CHMP6: variants seen among roughly 807,000 people sequenced by gnomAD.
CHMP6 encodes the protein charged multivesicular body protein 6.
CHMP6 carries 10 observed loss-of-function variants against 32.8 expected under a neutral mutation model. The observed-to-expected ratio is 0.30, with a 90% confidence interval of 0.19 to 0.52. The LOEUF is 0.52. CHMP6 is among the 20% of genes least tolerant of loss of function. The pLI is 0.97. For missense variants in CHMP6, 269 were observed against 263.8 expected (o/e 1.02, Z -0.14); for synonymous variants, 123 against 105.8 (o/e 1.16, Z -1.00).
Position 80,994,723 on chromosome 17 carries a change from TCGGC to T in CHMP6, c.173+34_173+37del, listed in dbSNP as rs1310470862. The stretch of plus-strand genomic sequence containing the variant: ...GGGCCCGGGCAGCGTGGGCACCCTG[TCGGC>T]TGGGGTGGGGGGCCCGGGCAGCGTG... On this transcript the variant is annotated intron_variant, in intron 2 of 7. Coordinates refer to ENST00000325167, the MANE Select transcript of CHMP6 (RefSeq NM_024591.5). 1.1e-5 allele frequency: 16 copies of T among 1,395,280 alleles called. No homozygotes were observed. The Admixed American group carries it at 1.8e-4, about 15-fold the overall frequency. The allele number at this position is 1,395,280 out of a possible 1,614,324, so 86.4% of individuals were successfully genotyped here.
intron 4 of CHMP6, 68 bp downstream of exon 4, chr17:80,995,826 CG>C (rs1568028204): frequency 1.4e-6 from 2 of 1,431,828 alleles, no homozygotes; most frequent in Non-Finnish European, 9.8e-7. Context: ...GGGGATAGGG[CG>C]GGGGGCTTGT....
intron 5 of CHMP6, 78 bp downstream of exon 5, chr17:80,997,150 T>A: frequency 6.2e-7 from 1 of 1,602,628 alleles, no homozygotes; most frequent in Non-Finnish European, 8.5e-7. Context: ...CTGTCCCACA[T>A]CCTAGAGCGG....
rs758954913 is a variant in CHMP6, at chr17:80,995,078, A to G, written c.233A>G (p.Glu78Gly). 31 of 1,602,872 alleles carry G rather than the reference A, an allele frequency of 1.9e-5. No homozygotes were observed. The highest frequency in any genetic ancestry group is 1.7e-4 in the South Asian group (15 of 88,496). Residue 78 changes from glutamate (E) to glycine (G), a missense_variant, in exon 3 of 8, where the codon GAG becomes GGG. Coordinates refer to ENST00000325167, the MANE Select transcript of CHMP6 (RefSeq NM_024591.5). ...CAGGAGCAGCTCCTGGACAGGACGG[A>G]GAACCAGATCAGCAGCCTGGAGGCC... Reference protein sequence around the residue: ...RYQEQLLDRTENQISSLEAMV... With the variant: ...RYQEQLLDRTGNQISSLEAMV...
chr17:80,991,844 ACCCGAG>A lies in CHMP6; in HGVS notation c.-73_-68del. ...CCGGCGCGGCCGCCGTAGCGGGAGG[ACCCGAG>A]CTACGGTGGCCGCGGGGCGGCGGTG... On this transcript the variant is annotated 5_prime_UTR_variant, in exon 1 of 8. Coordinates refer to ENST00000325167, the MANE Select transcript of CHMP6 (RefSeq NM_024591.5). The A allele has an allele frequency of 8.6e-7, 1 of 1,166,100 alleles. No homozygotes were observed. The highest frequency in any genetic ancestry group is 1.1e-6 in the Non-Finnish European group (1 of 915,188). The allele number at this position is 1,166,100 out of a possible 1,614,324, so 72.2% of individuals were successfully genotyped here.
At chr17:80,996,420 C>T (rs929816587) in intron 4 of CHMP6, among the ~76,000 whole-genome samples, 1 of 152,154 alleles carries the variant, frequency 6.6e-6, no homozygotes, top group Admixed American at 6.5e-5. Context: ...CACGTTCCCC[C>T]ACCAACCCCA....
In CHMP6 at chr17:80,997,375, C is replaced by T. The variant is rs377329219; in HGVS notation, c.495+34C>T. On this transcript the variant is annotated intron_variant, in intron 6 of 7. Coordinates refer to ENST00000325167, the MANE Select transcript of CHMP6 (RefSeq NM_024591.5). ...CCCCCCGGGACTGAGCACAGTCACTCAGGCAGCGGGACCCCCAGAGCTCAG... is the reference window on the plus strand; with the variant it reads ...CCCCCCGGGACTGAGCACAGTCACTTAGGCAGCGGGACCCCCAGAGCTCAG... The T allele has an allele frequency of 6.3e-5, 100 of 1,587,166 alleles. 1 individual carries two copies. In the African/African-American group the frequency reaches 1.2e-3, roughly 19 times the overall value.
At chr17:80,994,523 G>A in intron 1 of CHMP6, 58 bp from the exon 2 acceptor site, 2 of 1,466,012 alleles carry the variant, frequency 1.4e-6, no homozygotes, top group East Asian at 2.7e-5. Flanking sequence ...GCGCTCAGTA[G>A]CGTGGCCAGG....
At chr17:80,996,769 G>T (rs2069640841) in intron 4 of CHMP6, among the ~76,000 whole-genome samples, 1 of 152,186 alleles carries the variant, frequency 6.6e-6, no homozygotes, top group Non-Finnish European at 1.5e-5. Context: ...GGACACACAT[G>T]TCCTGGCCTC....
In CHMP6 at chr17:80,991,914, C is replaced by T. The variant is rs1598437744; in HGVS notation, c.-5C>T. ...GTGGGTCCCGGGCCAGGGGCGGGCG[C>T]CGCCATGGGTAACCTGTTCGGCCGC... On this transcript the variant is annotated 5_prime_UTR_variant, in exon 1 of 8. Transcript: ENST00000325167. 6.9e-7 allele frequency: 1 copy of T among 1,455,672 alleles called. No homozygotes were observed. 90.2% of individuals were successfully genotyped at this position (1,455,672 alleles called of 1,614,324 possible).
At chr17:80,995,214 A>C in intron 3 of CHMP6, 108 bp downstream of exon 3, 2 of 1,100,810 alleles carry the variant, frequency 1.8e-6, no homozygotes, top group Non-Finnish European at 2.6e-6. Flanking sequence ...CTCCTCTCAG[A>C]TGCCTCGGGC....
At chr17:80,995,621 G>A in intron 3 of CHMP6, 51 bp from the exon 4 acceptor site, 1 of 1,555,112 alleles carries the variant, frequency 6.4e-7, no homozygotes, top group Non-Finnish European at 8.9e-7. Context: ...GGGCCGGGAG[G>A]AGGGCACCCC....
chr17:80,997,899 T>C (rs1260959851), intron 6 of CHMP6, among the ~76,000 whole-genome samples: 1 of 152,162 alleles, frequency 6.6e-6, no homozygotes, highest in Non-Finnish European at 1.5e-5. Flanking sequence ...AGTTACTTTC[T>C]CCTGAGGGTC....
At position 81,000,002 on chromosome 17, in the gene CHMP6, A is replaced by G. The variant is rs1337876326; in HGVS notation, c.*849A>G. On this transcript the variant is annotated 3_prime_UTR_variant, in exon 8 of 8. Coordinates refer to ENST00000325167, the MANE Select transcript of CHMP6 (RefSeq NM_024591.5). ...TGGGGCATGGCGTGACTTCTCGTGC[A>G]CAGGGCTGGTTTGGTTATGAGACGA... is the stretch of plus-strand genomic sequence containing the variant. 6.6e-6 allele frequency: 1 copy of G among 152,240 alleles called. No individual in the cohort carries two copies. The highest frequency in any genetic ancestry group is 6.5e-5 in the Admixed American group (1 of 15,290). 9.4% of individuals were successfully genotyped at this position (152,240 alleles called of 1,614,324 possible). A position where few individuals can be genotyped will look rare whatever the true frequency, so the allele number is the denominator to read the frequency against.
rs1160955885 is a variant in CHMP6, at chr17:80,995,125, C to T, written c.261+19C>T. 9.5e-6 allele frequency: 15 copies of T among 1,586,800 alleles called. No individual in the cohort carries two copies. In the Admixed American group the frequency reaches 2.0e-4, roughly 22 times the overall value. On this transcript the variant is annotated intron_variant, in intron 3 of 7. Transcript: ENST00000325167. The stretch of plus-strand genomic sequence containing the variant: ...GGCCATGGTAGGCGGCCGGGTGCTT[C>T]GCCCTGGAGTGCAGGTGCAGCTGGA...
At position 80,999,236 on chromosome 17, in the gene CHMP6, C is replaced by A; in HGVS notation, c.*83C>A. 1 of 1,542,384 alleles carries A rather than the reference C, an allele frequency of 6.5e-7. No individual in the cohort carries two copies. Among genetic ancestry groups the A allele is most frequent in the Non-Finnish European group, 8.9e-7 (1 of 1,117,732 alleles). ...GTTTGGGTCACGGCCAGCCCCTGAC[C>A]GGGTTCCCTGGAGCCCAGTGCGCAC... On this transcript the variant is annotated 3_prime_UTR_variant, in exon 8 of 8. Coordinates refer to ENST00000325167, the MANE Select transcript of CHMP6 (RefSeq NM_024591.5).
intron 1 of CHMP6, among the ~76,000 whole-genome samples, chr17:80,993,478 G>A (rs988934814): frequency 6.6e-6 from 1 of 152,174 alleles, no homozygotes; most frequent in African/African-American, 2.4e-5. Flanking sequence ...GAGACTCCGT[G>A]GGTGGAGGGA....
intron 4 of CHMP6, among the ~76,000 whole-genome samples, chr17:80,996,760 G>A (rs541120976): frequency 2.6e-5 from 4 of 152,212 alleles, no homozygotes; most frequent in Non-Finnish European, 5.9e-5. Context: ...CCATGCCTGG[G>A]ACACACATGT....
chr17:80,997,166 T>C, intron 5 of CHMP6, 94 bp downstream of exon 5: 1 of 1,600,364 alleles, frequency 6.2e-7, no homozygotes, highest in Non-Finnish European at 8.5e-7. Flanking sequence ...AGCGGCCGCC[T>C]TCTCTCAAGG....
At chr17:80,998,714 G>C in intron 7 of CHMP6, 1 of 1,362,180 alleles carries the variant, frequency 7.3e-7, no homozygotes, top group Non-Finnish European at 9.5e-7. Flanking sequence ...CCAGGGTGTA[G>C]CCCAGGATTA....
Sources: allele counts gnomAD v4.1 joint callset (sites outside exome capture counted in the v4.1 genomes callset), GRCh38; gene constraint gnomAD v4.1.1; transcripts MANE v1.5; gene names NCBI Gene and HGNC (gene_info 2026-07-23, HGNC 2026-07-21).